Variants in PGLS observed in about 807,000 individuals in gnomAD.
The protein encoded by PGLS is 6-phosphogluconolactonase.
PGLS carries 21 observed loss-of-function variants against 23.2 expected under a neutral mutation model. The observed-to-expected ratio is 0.91, with a 90% CI of 0.64 to 1.31. The LOEUF (loss-of-function observed/expected upper bound fraction) is 1.31. Among genes scored for constraint, PGLS ranks in the 50% most tolerant of loss-of-function variants. PGLS has a pLI of 0.00. For synonymous variants in PGLS, 179 were observed against 165.4 expected, an observed-to-expected ratio of 1.08 and a Z score of -0.63; for missense variants, 410 against 354.0, an observed-to-expected ratio of 1.16 and a Z score of -1.27.
In PGLS at chr19:17,521,012, G is replaced by A. The variant is rs148164602; in HGVS notation, c.708G>A (p.Leu236=). 0.04 allele frequency: 64,202 copies of A among 1,601,594 alleles called. 1,582 individuals are homozygous for A. Among genetic ancestry groups the A allele is most frequent in the Non-Finnish European group, 0.047 (54,825 of 1,173,212 alleles). ...AALVQPHTGK[L]CWFLDEAAAR... ...TGGTCCAGCCCCACACCGGGAAACTGTGCTGGTTCTTGGACGAGGCGGCCG... is the reference window on the plus strand; with the variant it reads ...TGGTCCAGCCCCACACCGGGAAACTATGCTGGTTCTTGGACGAGGCGGCCG... Residue 236 remains leucine (L), a synonymous_variant, in exon 5 of 5, where the codon CTG becomes CTA. Coordinates refer to ENST00000252603, the MANE Select transcript of PGLS (RefSeq NM_012088.3).
intron 1 of PGLS, among the ~76,000 whole-genome samples, chr19:17,513,541 G>A (rs571452306): frequency 1.3e-5 from 2 of 149,702 alleles, no homozygotes; most frequent in African/African-American, 4.9e-5. Context: ...GTTTTTGGCC[G>A]GGCGTGGTGG....
At position 17,516,095 on chromosome 19, in the gene PGLS, A is replaced by G. The variant is rs960024519; in HGVS notation, c.289-78A>G. ...TCCCCATCTGTAAATGAGTGTTATG[A>G]CGGTACTGTCATAAACTCCCTGGAG... On this transcript the variant is annotated intron_variant, in intron 1 of 4. Transcript: ENST00000252603. 7.8e-5 allele frequency: 83 copies of G among 1,063,078 alleles called. No homozygotes were observed. In the South Asian group the frequency reaches 1.0e-3, roughly 13 times the overall value. 65.9% of individuals were successfully genotyped at this position (1,063,078 alleles called of 1,614,324 possible). A position where few individuals can be genotyped will look rare whatever the true frequency, so the allele number is the denominator to read the frequency against.
rs770305344 is a variant in PGLS at position 17,511,823 on chromosome 19, G to A, written c.151G>A (p.Val51Ile). The change falls in exon 1 of 5, where the codon GTC (valine) becomes ATC (isoleucine). Residue 51 changes from valine to isoleucine, a missense_variant. Val to Ile is a conservative substitution (Grantham distance 29). Transcript: ENST00000252603. ...GCTCGGCCTGTCGGGCGGGAGCCTC[G>A]TCTCGATGCTAGCCCGCGAGCTACC... ...FALGLSGGSL[V>I]SMLARELPAA... 6.6e-6 allele frequency: 10 copies of A among 1,518,172 alleles called. No homozygotes were observed. The highest frequency in any genetic ancestry group is 8.8e-6 in the Non-Finnish European group (10 of 1,137,440). 94.0% of individuals were successfully genotyped at this position (1,518,172 alleles called of 1,614,324 possible). A position where few individuals can be genotyped will look rare whatever the true frequency, so the allele number is the denominator to read the frequency against.
At position 17,517,777 on chromosome 19, in the gene PGLS, C is replaced by T. The variant is rs759594339; in HGVS notation, c.566C>T (p.Thr189Ile). Residue 189 changes from threonine (T) to isoleucine (I), a missense_variant, in exon 4 of 5, where the codon ACA becomes ATA. Coordinates refer to ENST00000252603, the MANE Select transcript of PGLS (RefSeq NM_012088.3). ...PKPPPQRVTLTLPVLNAARTV... is the reference protein window; with the variant it reads ...PKPPPQRVTLILPVLNAARTV... ...CCACCGCCACAGCGTGTGACCCTCACACTACCTGTCCTGAATGCAGCACGA... is the reference window on the plus strand; with the variant it reads ...CCACCGCCACAGCGTGTGACCCTCATACTACCTGTCCTGAATGCAGCACGA... The T allele has an allele frequency of 2.2e-5, 36 of 1,614,048 alleles. No homozygotes were observed. Among genetic ancestry groups the T allele is most frequent in the African/African-American group, 8.0e-5 (6 of 74,922 alleles).
intron 2 of PGLS, 93 bp from the exon 3 acceptor site, chr19:17,517,195 A>AT (rs2075537386): frequency 5.0e-6 from 4 of 807,976 alleles, no homozygotes; most frequent in African/African-American, 3.4e-5. Context: ...AGCTACTTGT[A>AT]TTTTTTTATC....
Position 17,521,057 on chromosome 19 carries a change from C to T in PGLS, c.753C>T (p.Pro251=). The change falls in exon 5 of 5, where the codon CCC becomes CCT. Residue 251 remains proline, a synonymous_variant. Coordinates refer to ENST00000252603, the MANE Select transcript of PGLS (RefSeq NM_012088.3). ...CGGCCGCCCGCCTCCTGACCGTGCC[C>T]TTCGAGAAGCATTCCACTTTGTAGC... ...DEAAARLLTV[P]FEKHSTL The T allele has an allele frequency of 6.2e-7, 1 of 1,602,286 alleles. No homozygotes were observed. The highest frequency in any genetic ancestry group is 8.5e-7 in the Non-Finnish European group (1 of 1,173,626).
Sources: allele counts gnomAD v4.1 joint callset (sites outside exome capture counted in the v4.1 genomes callset), GRCh38; gene constraint gnomAD v4.1.1; transcripts MANE v1.5; gene names NCBI Gene and HGNC (gene_info 2026-07-23, HGNC 2026-07-21).